The following GBE1 variants were observed in gnomAD, a reference collection of about 807,000 sequenced individuals.
GBE1 encodes the protein 1,4-alpha-glucan branching enzyme 1.
Under a neutral mutation model 88.8 loss-of-function variants are expected in GBE1, and 70 were observed. That is an observed-to-expected ratio of 0.79 (90% CI 0.65 to 0.96). The LOEUF (loss-of-function observed/expected upper bound fraction) is 0.96. Among genes scored for constraint, GBE1 ranks in the 40% least tolerant of loss-of-function variants. The probability of loss-of-function intolerance (pLI) is 0.00; values close to 1 mark genes in which losing one functional copy is unlikely to be tolerated. For synonymous variants in GBE1, 284 were observed against 300.1 expected, an observed-to-expected ratio of 0.95 and a Z score of 0.56; for missense variants, 872 against 871.0, an observed-to-expected ratio of 1.00 and a Z score of -0.01.
intron 3 of GBE1, chr3:81,654,497 AT>A (rs1704902070): frequency 6.6e-6 from 1 of 152,190 alleles, no homozygotes; most frequent in African/African-American, 2.4e-5. Flanking sequence ...CTGTTAGCAT[AT>A]TTTGAAAGAT....
At chr3:81,606,230 C>G (rs1704099844) in intron 7 of GBE1, among the ~76,000 whole-genome samples, 2 of 152,132 alleles carry the variant, frequency 1.3e-5, no homozygotes, top group Non-Finnish European at 2.9e-5. Flanking sequence ...AGAATTCAGT[C>G]TATGCTTTAA....
intron 2 of GBE1, among the ~76,000 whole-genome samples, chr3:81,681,649 T>G (rs1433313322): frequency 6.6e-6 from 1 of 152,212 alleles, no homozygotes; most frequent in Non-Finnish European, 1.5e-5. Flanking sequence ...CAACTGGTTT[T>G]CAACAAGGAT....
intron 1 of GBE1, among the ~76,000 whole-genome samples, chr3:81,715,560 G>C (rs933659333): frequency 1.3e-5 from 2 of 152,102 alleles, no homozygotes; most frequent in African/African-American, 2.4e-5. Context: ...TAAATGAGTT[G>C]TTTCATATAT....
intron 1 of GBE1, among the ~76,000 whole-genome samples, chr3:81,723,281 T>A (rs569397907): frequency 6.6e-5 from 10 of 151,452 alleles, no homozygotes; most frequent in African/African-American, 2.2e-4. Context: ...TTTTGTATTT[T>A]TAGTAGAGAG....
chr3:81,547,573 T>C (rs1423539513), intron 12 of GBE1, among the ~76,000 whole-genome samples: 2 of 150,772 alleles, frequency 1.3e-5, no homozygotes, highest in Non-Finnish European at 3.0e-5. Flanking sequence ...AAGCCCGGCA[T>C]GCCAGCAAAA....
At chr3:81,563,090 A>G (rs751239963) in intron 12 of GBE1, among the ~76,000 whole-genome samples, 5 of 152,076 alleles carry the variant, frequency 3.3e-5, no homozygotes, top group Non-Finnish European at 7.4e-5. Flanking sequence ...TTGACAATAC[A>G]TCTCACATTT....
chr3:81,728,243 AAAGAT>A (rs1385158098), intron 1 of GBE1, among the ~76,000 whole-genome samples: 1 of 152,176 alleles, frequency 6.6e-6, no homozygotes, highest in East Asian at 1.9e-4. Context: ...CTGTCATCCT[AAAGAT>A]AAGTAAATGT....
chr3:81,730,968 A>G (rs546895968), intron 1 of GBE1, among the ~76,000 whole-genome samples: 1 of 152,306 alleles, frequency 6.6e-6, no homozygotes, highest in Admixed American at 6.5e-5. Flanking sequence ...CCGGTTTTAC[A>G]TCACTTGATG....
Position 81,705,205 on chromosome 3 carries a change from T to G in GBE1, c.313+239A>C, listed in dbSNP as rs116092854. 0.029 allele frequency among the ~76,000 whole-genome samples: 4,360 copies of G among 152,182 alleles called. 228 individuals carry two copies. The highest frequency in any genetic ancestry group is 0.096 in the African/African-American group (3,973 of 41,522). On this transcript the variant is annotated intron_variant, in intron 2 of 15. Transcript: ENST00000429644. ...ATAGCATTTTTCTCATAAACCTTGT[T>G]ATTTCTAGTACATGATTTTACAGAA...
At chr3:81,697,451 C>T (rs548697080) in intron 2 of GBE1, among the ~76,000 whole-genome samples, 2 of 152,188 alleles carry the variant, frequency 1.3e-5, no homozygotes, top group South Asian at 4.1e-4. Context: ...AGGCACCTGC[C>T]ACCATGCCCA....
At chr3:81,578,212 A>G in intron 11 of GBE1, 116 bp from the exon 12 acceptor site, 1 of 697,048 alleles carries the variant, frequency 1.4e-6, no homozygotes, top group East Asian at 3.1e-5. Flanking sequence ...AGAGGTGTGT[A>G]GATTAATATT....
rs200657887 is a variant in GBE1, at chr3:81,527,686, T to A, written c.1934+7509A>T. On this transcript the variant is annotated intron_variant, in intron 14 of 15. Transcript: ENST00000429644. ...AATGAGATACCATCTCACACCAGTT[T>A]GAATGGTGATCATTAAAAAGTCAGG... is the stretch of plus-strand genomic sequence containing the variant. Among the ~76,000 whole-genome samples the A allele has an allele frequency of 8.5e-5, 13 of 152,074 alleles. No individual in the cohort carries two copies. The East Asian group carries it at 2.3e-3, about 27-fold the overall frequency.
chr3:81,610,435 G>A lies in GBE1; in HGVS notation c.993-16412C>T, dbSNP rs113950466. On this transcript the variant is annotated intron_variant, in intron 7 of 15. Coordinates refer to ENST00000429644, the MANE Select transcript of GBE1 (RefSeq NM_000158.4). ...TTTTGTCCATGTTCATAAACAAAAG[G>A]TCTACATTTGTTTCTCATAATCCAT... Among the ~76,000 whole-genome samples, 34 of 152,260 alleles carry A rather than the reference G, an allele frequency of 2.2e-4. 1 individual carries two copies. Among genetic ancestry groups the A allele is most frequent in the African/African-American group, 8.2e-4 (34 of 41,560 alleles).
At chr3:81,616,163 T>A (rs1357473835) in intron 7 of GBE1, among the ~76,000 whole-genome samples, 4 of 152,168 alleles carry the variant, frequency 2.6e-5, no homozygotes, top group Admixed American at 2.0e-4. Flanking sequence ...ACATTTTCTC[T>A]GAGTTTCTAG....
chr3:81,628,752 T>C, intron 7 of GBE1, among the ~76,000 whole-genome samples: 1 of 73,788 alleles, frequency 1.4e-5, no homozygotes, highest in Non-Finnish European at 3.4e-5. Context: ...CATATATATA[T>C]ATATATATAT....
intron 1 of GBE1, among the ~76,000 whole-genome samples, chr3:81,751,807 C>T (rs1706531443): frequency 1.3e-5 from 2 of 152,104 alleles, no homozygotes; most frequent in African/African-American, 4.8e-5. Context: ...CCAATTTTAT[C>T]ATGTTTCTGT....
In GBE1 at chr3:81,683,647, T is replaced by C. The variant is rs943501475; in HGVS notation, c.314-12694A>G. ...CTTAAGCAAACTAGGCTAATGATGATGATGTAAGAACTTATCTTTTACTCT... is the reference window on the plus strand; with the variant it reads ...CTTAAGCAAACTAGGCTAATGATGACGATGTAAGAACTTATCTTTTACTCT... On this transcript the variant is annotated intron_variant, in intron 2 of 15. Transcript: ENST00000429644. Among the ~76,000 whole-genome samples the C allele has an allele frequency of 5.9e-5, 9 of 152,182 alleles. No homozygotes were observed. In the East Asian group the frequency reaches 7.7e-4, roughly 13 times the overall value.
chr3:81,680,770 T>TATC (rs1705329380), intron 2 of GBE1, among the ~76,000 whole-genome samples: 1 of 152,182 alleles, frequency 6.6e-6, no homozygotes, highest in Non-Finnish European at 1.5e-5. Flanking sequence ...TGAATGGGAT[T>TATC]AGTACCTGTA....
intron 14 of GBE1, among the ~76,000 whole-genome samples, chr3:81,501,441 C>T (rs1417492509): frequency 1.3e-5 from 2 of 152,048 alleles, no homozygotes; most frequent in Non-Finnish European, 2.9e-5. Flanking sequence ...GCTCTTTCTC[C>T]ATCTCTTGTT....
Sources: gnomAD v4.1 joint callset for allele counts (sites outside exome capture counted in the v4.1 genomes callset) on GRCh38, gnomAD v4.1.1 for gene constraint, MANE v1.5 for transcripts, NCBI Gene and HGNC (gene_info 2026-07-23, HGNC 2026-07-21) for gene names.